C12orf42: variants seen among roughly 807,000 people sequenced by gnomAD.
C12orf42 encodes uncharacterized protein C12orf42.
In C12orf42, 25 loss-of-function variants were observed where a neutral mutation model predicts 21.6. That is an observed-to-expected ratio of 1.16 (90% CI 0.84 to 1.62). The LOEUF (loss-of-function observed/expected upper bound fraction) is 1.62. C12orf42 is among the 40% of genes most tolerant of loss of function. The pLI is 0.00. For missense variants in C12orf42, 483 were observed against 459.3 expected (o/e 1.05, Z -0.47); for synonymous variants, 174 against 175.0 (o/e 0.99, Z 0.05).
intron 4 of C12orf42, among the ~76,000 whole-genome samples, chr12:103,282,058 C>T (rs2036175391): frequency 6.6e-6 from 1 of 152,166 alleles, no homozygotes; most frequent in African/African-American, 2.4e-5. Flanking sequence ...AACCAATAAC[C>T]TTTCTTCTTT....
chr12:103,322,119 G>A (rs918902841), intron 4 of C12orf42, among the ~76,000 whole-genome samples: 96 of 93,924 alleles, frequency 1.0e-3, no homozygotes, highest in African/African-American at 4.0e-3. Flanking sequence ...GCGTGCGCGC[G>A]CGCGCGCACA....
the C12orf42 span, among the ~76,000 whole-genome samples, chr12:103,131,302 T>C: frequency 1.3e-5 from 2 of 152,364 alleles, no homozygotes; most frequent in Admixed American, 1.3e-4. Context: ...TTGAGGAATA[T>C]ATATAAAACC....
the C12orf42 span, among the ~76,000 whole-genome samples, chr12:103,113,814 A>G: frequency 1.3e-5 from 2 of 152,240 alleles, no homozygotes; most frequent in East Asian, 1.9e-4. Flanking sequence ...TTCTTCCAAT[A>G]TATGTCTCAG....
chr12:103,249,710 A>G (rs2034195414), intron 10 of C12orf42, among the ~76,000 whole-genome samples: 2 of 152,122 alleles, frequency 1.3e-5, no homozygotes, highest in Admixed American at 1.3e-4. Flanking sequence ...ATTAAATAAG[A>G]GAACAAACTC....
chr12:103,165,960 A>G, the C12orf42 span, among the ~76,000 whole-genome samples: 2 of 152,158 alleles, frequency 1.3e-5, no homozygotes, highest in East Asian at 3.9e-4. Flanking sequence ...GAATGGCGTG[A>G]ACCCGGGAGG....
At chr12:103,172,750 G>A in the C12orf42 span, among the ~76,000 whole-genome samples, 37 of 152,188 alleles carry the variant, frequency 2.4e-4, no homozygotes, top group African/African-American at 8.2e-4. Flanking sequence ...AGTTTCAGAT[G>A]TTTTTCCTGG....
chr12:103,294,543 A>G (rs1457714778), intron 4 of C12orf42, among the ~76,000 whole-genome samples: 1 of 141,962 alleles, frequency 7.0e-6, no homozygotes, highest in Admixed American at 7.0e-5. Flanking sequence ...GCAAGCAAGC[A>G]AGAAAGAAAG....
At chr12:103,487,156 C>T (rs1789977999) in intron 1 of C12orf42, among the ~76,000 whole-genome samples, 1 of 152,176 alleles carries the variant, frequency 6.6e-6, no homozygotes, top group Admixed American at 6.5e-5. Context: ...TATGTTGTGA[C>T]TTTGTTCTCA....
At chr12:103,486,612 C>T (rs1467794393) in intron 1 of C12orf42, among the ~76,000 whole-genome samples, 2 of 152,052 alleles carry the variant, frequency 1.3e-5, no homozygotes, top group African/African-American at 2.4e-5. Flanking sequence ...GGTTGGTAGG[C>T]TATTAATTAT....
At chr12:103,382,135 A>C (rs1486369086) in intron 3 of C12orf42, among the ~76,000 whole-genome samples, 2 of 152,200 alleles carry the variant, frequency 1.3e-5, no homozygotes, top group African/African-American at 4.8e-5. Context: ...TGGTTATTGT[A>C]CTAGCAAAGT....
chr12:103,294,209 A>G (rs558044265), intron 4 of C12orf42, among the ~76,000 whole-genome samples: 1 of 152,192 alleles, frequency 6.6e-6, no homozygotes, highest in South Asian at 2.1e-4. Context: ...CAGAGTACCT[A>G]GGATGGTAAG....
At chr12:103,415,639 A>G (rs1175926722) in intron 2 of C12orf42, among the ~76,000 whole-genome samples, 1 of 152,138 alleles carries the variant, frequency 6.6e-6, no homozygotes, top group Non-Finnish European at 1.5e-5. Flanking sequence ...GATTTTTAAG[A>G]TAGCTGCGGA....
chr12:103,233,220 T>TTGTA (rs1298661470), downstream of C12orf42, among the ~76,000 whole-genome samples: 1 of 152,206 alleles, frequency 6.6e-6, no homozygotes, highest in East Asian at 1.9e-4. Flanking sequence ...CTGTCTTGAT[T>TTGTA]TGTAGATTTG....
At chr12:103,076,019 T>G in the C12orf42 span, among the ~76,000 whole-genome samples, 1 of 152,138 alleles carries the variant, frequency 6.6e-6, no homozygotes, top group Non-Finnish European at 1.5e-5. Flanking sequence ...GAGACATCTA[T>G]GTGATTTCCA....
chr12:103,435,231 C>T (rs1437883057), intron 2 of C12orf42, among the ~76,000 whole-genome samples: 1 of 152,062 alleles, frequency 6.6e-6, no homozygotes, highest in Non-Finnish European at 1.5e-5. Flanking sequence ...AAAGGACATC[C>T]ACACCAAAAA....
At chr12:103,181,894 C>T in the C12orf42 span, among the ~76,000 whole-genome samples, 1 of 152,154 alleles carries the variant, frequency 6.6e-6, no homozygotes, top group African/African-American at 2.4e-5. Context: ...TTGGGAAATG[C>T]CGTAAGCTTA....
At chr12:103,159,762 T>C in the C12orf42 span, among the ~76,000 whole-genome samples, 164 of 152,336 alleles carry the variant, frequency 1.1e-3, 2 homozygotes, top group Non-Finnish European at 1.6e-3. Context: ...TCCAGTTGTA[T>C]CCTAGGAACA....
At chr12:103,447,690 C>A (rs1296049729) in intron 2 of C12orf42, among the ~76,000 whole-genome samples, 1 of 151,818 alleles carries the variant, frequency 6.6e-6, no homozygotes, top group Non-Finnish European at 1.5e-5. Context: ...ACCCCTTTTA[C>A]AACAGCTGCA....
chr12:103,306,314 C>G lies in C12orf42; in HGVS notation c.291G>C (p.Ala97=). The stretch of plus-strand genomic sequence containing the variant: ...GGCAAGTATGAAGTAGTCTTTTACA[C>G]GCCATTGAATTTTGAGTCCTTTCTG... The part of the protein sequence containing the change: ...VFPERTQNSM[A]CKRLLHTCQY... The change falls in exon 5 of 6, where the codon GCG becomes GCC. Residue 97 remains alanine, a synonymous_variant. Coordinates refer to ENST00000548883, the MANE Select transcript of C12orf42 (RefSeq NM_198521.5). 6.2e-7 allele frequency: 1 copy of G among 1,610,558 alleles called. No individual in the cohort carries two copies. Among genetic ancestry groups the G allele is most frequent in the Non-Finnish European group, 8.5e-7 (1 of 1,178,330 alleles).
Sources: gnomAD v4.1 joint callset for allele counts (sites outside exome capture counted in the v4.1 genomes callset) on GRCh38, gnomAD v4.1.1 for gene constraint, MANE v1.5 for transcripts, NCBI Gene and HGNC (gene_info 2026-07-23, HGNC 2026-07-21) for gene names.